AFG2A: variants seen among roughly 807,000 people sequenced by gnomAD.
The protein encoded by AFG2A is ATPase family gene 2 protein homolog A.
the AFG2A span, among the ~76,000 whole-genome samples, chr4:123,188,261 T>G: frequency 6.6e-6 from 1 of 152,156 alleles, no homozygotes; most frequent in African/African-American, 2.4e-5. Context: ...TCCTATTTAT[T>G]GTAGTGATTT....
chr4:122,935,173 A>G, the AFG2A span, among the ~76,000 whole-genome samples: 8 of 152,136 alleles, frequency 5.3e-5, no homozygotes, highest in Non-Finnish European at 1.0e-4. Flanking sequence ...CTGCATTGTT[A>G]TTGCCAAGAT....
the AFG2A span, among the ~76,000 whole-genome samples, chr4:123,235,488 T>C: frequency 6.6e-6 from 1 of 152,130 alleles, no homozygotes; most frequent in Admixed American, 6.6e-5. Flanking sequence ...CTGTACTAGA[T>C]GGAGATGAAC....
the AFG2A span, chr4:122,938,337 T>G: frequency 7.7e-7 from 1 of 1,305,636 alleles, no homozygotes; most frequent in Non-Finnish European, 9.9e-7. Context: ...TGTCAGAGTC[T>G]TTGGATATTT....
the AFG2A span, among the ~76,000 whole-genome samples, chr4:123,233,655 C>A: frequency 6.6e-6 from 1 of 151,884 alleles, no homozygotes; most frequent in African/African-American, 2.4e-5. Context: ...AGGAAGGCCT[C>A]TTTTATTTCT....
the AFG2A span, among the ~76,000 whole-genome samples, chr4:123,241,205 A>G: frequency 2.0e-5 from 3 of 152,222 alleles, no homozygotes. Flanking sequence ...CCATAGGTAC[A>G]AAGAGGAGCT....
the AFG2A span, among the ~76,000 whole-genome samples, chr4:123,202,682 A>G: frequency 3.3e-4 from 50 of 152,280 alleles, no homozygotes; most frequent in African/African-American, 9.9e-4. Flanking sequence ...TGTGTGTGCA[A>G]TGCAATTTGA....
chr4:122,987,637 T>C, the AFG2A span, among the ~76,000 whole-genome samples: 1 of 152,158 alleles, frequency 6.6e-6, no homozygotes, highest in East Asian at 1.9e-4. Context: ...CACCTTCTAG[T>C]TGAAACAGTC....
chr4:122,954,908 G>T, the AFG2A span, among the ~76,000 whole-genome samples: 1 of 152,160 alleles, frequency 6.6e-6, no homozygotes, highest in African/African-American at 2.4e-5. Flanking sequence ...CATCCATCAA[G>T]GATAGTGGCT....
the AFG2A span, among the ~76,000 whole-genome samples, chr4:122,999,049 T>C: frequency 6.6e-6 from 1 of 151,362 alleles, no homozygotes; most frequent in Non-Finnish European, 1.5e-5. Context: ...GATTTGCATT[T>C]CTCTGATGGC....
chr4:123,020,939 A>G, the AFG2A span, among the ~76,000 whole-genome samples: 1 of 152,220 alleles, frequency 6.6e-6, no homozygotes, highest in African/African-American at 2.4e-5. Flanking sequence ...AAGTACATTT[A>G]ATAAACATTA....
At chr4:123,128,483 G>A in the AFG2A span, among the ~76,000 whole-genome samples, 55 of 152,190 alleles carry the variant, frequency 3.6e-4, no homozygotes, top group East Asian at 7.9e-3. Flanking sequence ...ACAACCATCC[G>A]AAACATCTAC....
chr4:123,183,837 GCAGCCTCCACCTCC>G, the AFG2A span, among the ~76,000 whole-genome samples: 2 of 152,126 alleles, frequency 1.3e-5, no homozygotes, highest in East Asian at 3.9e-4. Context: ...TCAGCTCACT[GCAGCCTCCACCTCC>G]CAGACTCAAG....
chr4:123,258,087 G>T, the AFG2A span, among the ~76,000 whole-genome samples: 116,503 of 152,078 alleles, frequency 0.77, 45,586 homozygotes, highest in Non-Finnish European at 0.85. Context: ...AAATTATATT[G>T]TTGTGTTCCA....
At chr4:123,279,174 G>C in the AFG2A span, among the ~76,000 whole-genome samples, 11 of 152,156 alleles carry the variant, frequency 7.2e-5, no homozygotes, top group Non-Finnish European at 1.0e-4. Context: ...CCAGCACTTT[G>C]GGAGGCCAAG....
At chr4:123,095,628 ATT>A in the AFG2A span, among the ~76,000 whole-genome samples, 1 of 152,170 alleles carries the variant, frequency 6.6e-6, no homozygotes, top group East Asian at 1.9e-4. Flanking sequence ...TACCATCTTT[ATT>A]GTCTGGAAGA....
the AFG2A span, among the ~76,000 whole-genome samples, chr4:123,021,534 A>G: frequency 6.6e-6 from 1 of 152,198 alleles, no homozygotes; most frequent in Non-Finnish European, 1.5e-5. Flanking sequence ...ATAGACTATA[A>G]GAATCACTTG....
chr4:123,086,528 T>C, the AFG2A span, among the ~76,000 whole-genome samples: 1 of 152,174 alleles, frequency 6.6e-6, no homozygotes, highest in Non-Finnish European at 1.5e-5. Context: ...TTCTGCTCAG[T>C]GTTCACTGGA....
chr4:123,088,759 T>C, the AFG2A span, among the ~76,000 whole-genome samples: 1 of 152,184 alleles, frequency 6.6e-6, no homozygotes, highest in African/African-American at 2.4e-5. Context: ...AAGTCCTTGC[T>C]TCCTCTTCTC....
At chr4:123,167,818 A>T in the AFG2A span, among the ~76,000 whole-genome samples, 3 of 152,194 alleles carry the variant, frequency 2.0e-5, no homozygotes, top group African/African-American at 7.2e-5. Context: ...GCAATTTTTG[A>T]TGTTGAAATC....
Sources: allele counts gnomAD v4.1 joint callset (sites outside exome capture counted in the v4.1 genomes callset), GRCh38; gene constraint gnomAD v4.1.1; transcripts MANE v1.5; gene names NCBI Gene and HGNC (gene_info 2026-07-23, HGNC 2026-07-21).